The following GPC5 variants were observed in gnomAD, a reference collection of about 807,000 sequenced individuals.
The protein encoded by GPC5 is glypican-5.
A neutral mutation model predicts 53.9 loss-of-function variants in GPC5; 47 were observed. That is an observed-to-expected ratio of 0.87 (90% CI 0.69 to 1.11). GPC5 has a LOEUF of 1.11. Among genes scored for constraint, GPC5 ranks in the 50% most tolerant of loss-of-function variants. GPC5 has a pLI of 0.00. For missense variants in GPC5, 748 were observed against 713.1 expected (o/e 1.05, Z -0.56); for synonymous variants, 286 against 263.3 (o/e 1.09, Z -0.84).
intron 7 of GPC5, chr13:92,448,771 T>G (rs1877936093): frequency 1.3e-5 from 2 of 151,252 alleles, no homozygotes; most frequent in South Asian, 4.2e-4. Flanking sequence ...TTAGGAAAAC[T>G]TTAAAATTGA....
intron 3 of GPC5, among the ~76,000 whole-genome samples, chr13:91,726,628 T>G (rs1028804438): frequency 6.6e-6 from 1 of 152,196 alleles, no homozygotes; most frequent in African/African-American, 2.4e-5. Context: ...CTCTGAGGAC[T>G]TTTCCTTTGC....
chr13:91,643,685 T>C (rs777869045), intron 2 of GPC5, among the ~76,000 whole-genome samples: 1 of 152,212 alleles, frequency 6.6e-6, no homozygotes, highest in Non-Finnish European at 1.5e-5. Context: ...ATCTAGCTTC[T>C]TGCAGCTTGC....
intron 7 of GPC5, among the ~76,000 whole-genome samples, chr13:92,446,254 C>G (rs541873767): frequency 3.3e-4 from 50 of 151,610 alleles, no homozygotes; most frequent in African/African-American, 1.1e-3. Flanking sequence ...CCCCTGGTAC[C>G]CTTCCCAGCC....
intron 7 of GPC5, among the ~76,000 whole-genome samples, chr13:92,229,663 C>G (rs2139098943): frequency 6.6e-6 from 1 of 152,178 alleles, no homozygotes; most frequent in Middle Eastern, 3.4e-3. Context: ...GCCATAATGT[C>G]AGCCTCTTGT....
At chr13:92,054,829 C>G (rs1196368731) in intron 6 of GPC5, among the ~76,000 whole-genome samples, 1 of 107,490 alleles carries the variant, frequency 9.3e-6, no homozygotes, top group Non-Finnish European at 2.1e-5. Flanking sequence ...TAACATTGAA[C>G]TATACAAAAT....
At chr13:91,959,606 G>A (rs2040108001) in intron 6 of GPC5, among the ~76,000 whole-genome samples, 1 of 151,784 alleles carries the variant, frequency 6.6e-6, no homozygotes, top group Non-Finnish European at 1.5e-5. Flanking sequence ...AAAACTACAG[G>A]CCAATATCCC....
chr13:92,007,925 C>G (rs186378705), intron 6 of GPC5, among the ~76,000 whole-genome samples: 23 of 152,226 alleles, frequency 1.5e-4, no homozygotes, highest in Admixed American at 1.4e-3. Context: ...TCTATACTTC[C>G]GTTTCCACTT....
intron 7 of GPC5, among the ~76,000 whole-genome samples, chr13:92,174,679 G>T (rs1261222005): frequency 6.6e-6 from 1 of 152,102 alleles, no homozygotes; most frequent in Non-Finnish European, 1.5e-5. Context: ...TGAGCACCTT[G>T]CTGGGCATCA....
chr13:92,119,163 G>A (rs564108212), intron 6 of GPC5, among the ~76,000 whole-genome samples: 2 of 152,216 alleles, frequency 1.3e-5, no homozygotes, highest in South Asian at 4.1e-4. Context: ...GCAGGCAAGA[G>A]AGAGCATTTG....
chr13:92,799,916 T>G (rs965763843), intron 7 of GPC5, among the ~76,000 whole-genome samples: 1 of 151,876 alleles, frequency 6.6e-6, no homozygotes, highest in Non-Finnish European at 1.5e-5. Flanking sequence ...AATTTTTCAT[T>G]TCATTATATC....
intron 6 of GPC5, among the ~76,000 whole-genome samples, chr13:92,057,225 G>T (rs962534311): frequency 1.3e-5 from 2 of 152,128 alleles, no homozygotes; most frequent in Non-Finnish European, 2.9e-5. Flanking sequence ...ACAGCTCCAG[G>T]AAGAGAGGAA....
chr13:92,851,766 G>A (rs1486371727), intron 7 of GPC5, among the ~76,000 whole-genome samples: 1 of 151,148 alleles, frequency 6.6e-6, no homozygotes, highest in Non-Finnish European at 1.5e-5. Flanking sequence ...GTGGGTGCCT[G>A]TAGTCCCAGC....
chr13:91,670,244 G>T (rs748047041), intron 2 of GPC5, among the ~76,000 whole-genome samples: 10 of 152,168 alleles, frequency 6.6e-5, no homozygotes, highest in Non-Finnish European at 1.5e-5. Flanking sequence ...TGTATTTTGA[G>T]GAGTGAAGGT....
At chr13:91,911,666 T>A in intron 6 of GPC5, among the ~76,000 whole-genome samples, 1 of 151,990 alleles carries the variant, frequency 6.6e-6, no homozygotes, top group Non-Finnish European at 1.5e-5. Flanking sequence ...CATGCAAGAA[T>A]GAAAAAAGGA....
At chr13:92,820,359 C>T (rs1877631958) in intron 7 of GPC5, among the ~76,000 whole-genome samples, 2 of 152,144 alleles carry the variant, frequency 1.3e-5, no homozygotes, top group Non-Finnish European at 2.9e-5. Flanking sequence ...TGTCTCAAAC[C>T]TTTCAGGTTT....
chr13:92,561,308 T>A (rs1271614611), intron 7 of GPC5, among the ~76,000 whole-genome samples: 1 of 152,058 alleles, frequency 6.6e-6, no homozygotes, highest in Non-Finnish European at 1.5e-5. Context: ...TTAAAGGTTT[T>A]GTAATTTTAA....
At position 92,710,315 on chromosome 13, in the gene GPC5, A is replaced by T. The variant is rs544296601; in HGVS notation, c.1562-155967A>T. Among the ~76,000 whole-genome samples the T allele has an allele frequency of 2.8e-4, 42 of 152,320 alleles. 3 individuals are homozygous for T. Among genetic ancestry groups the T allele is most frequent in the African/African-American group, 9.1e-4 (38 of 41,576 alleles). ...ACAAAAAATAAATGTTGAACTCACTAATGTCATTGAAACAGCCTCCAGATA... is the reference window on the plus strand; with the variant it reads ...ACAAAAAATAAATGTTGAACTCACTTATGTCATTGAAACAGCCTCCAGATA... On this transcript the variant is annotated intron_variant, in intron 7 of 7. Transcript: ENST00000377067.
intron 7 of GPC5, among the ~76,000 whole-genome samples, chr13:92,465,985 T>C (rs7336031): frequency 0.023 from 3,538 of 152,056 alleles, 154 homozygotes; most frequent in African/African-American, 0.081. Context: ...AAAGGCGATA[T>C]GATTACTGCG....
chr13:91,449,046 T>A lies in GPC5; in HGVS notation c.325+124T>A. On this transcript the variant is annotated intron_variant, in intron 2 of 7. Transcript: ENST00000377067. ...ATTTACATAATATTCGGGTATAAAA[T>A]GAGGTTTTAACTTTTTCTAGCCTTC... 2.7e-6 allele frequency: 3 copies of A among 1,121,866 alleles called. No individual in the cohort carries two copies. In the East Asian group the frequency reaches 7.4e-5, roughly 28 times the overall value. 69.5% of individuals were successfully genotyped at this position (1,121,866 alleles called of 1,614,324 possible).
Sources: gnomAD v4.1 joint callset for allele counts (sites outside exome capture counted in the v4.1 genomes callset) on GRCh38, gnomAD v4.1.1 for gene constraint, MANE v1.5 for transcripts, NCBI Gene and HGNC (gene_info 2026-07-23, HGNC 2026-07-21) for gene names.